Variants in GANAB observed in about 807,000 individuals in gnomAD.
GANAB encodes glucosidase II alpha subunit.
Under a neutral mutation model 129.9 loss-of-function variants are expected in GANAB, and 35 were observed. The ratio of observed to expected loss-of-function variants is 0.27; its 90% CI spans 0.21 to 0.36. The LOEUF is 0.36. Among genes scored for constraint, GANAB ranks in the 10% least tolerant of loss-of-function variants. The pLI, the probability that GANAB is intolerant of heterozygous loss-of-function variation, is 1.00. For synonymous variants in GANAB, 482 were observed against 451.8 expected (o/e 1.07, Z -0.85); for missense variants, 939 against 1,221.0 (o/e 0.77, Z 3.44).
intron 15 of GANAB, 89 bp downstream of exon 15, chr11:62,629,497 TCC>T (rs1749408734): frequency 2.2e-6 from 2 of 905,216 alleles, no homozygotes; most frequent in Admixed American, 2.2e-5. Context: ...AGTGTGTGGC[TCC>T]CATTCCTCAG....
rs746415845 is a variant in GANAB at position 62,633,462 on chromosome 11, G to T, written c.613C>A (p.Pro205Thr). 1 of 1,614,020 alleles carries T rather than the reference G, an allele frequency of 6.2e-7. No homozygotes were observed. The highest frequency in any genetic ancestry group is 1.1e-5 in the South Asian group (1 of 91,060). The change falls in exon 6 of 24, where the codon CCC (proline) becomes ACC (threonine). Residue 205 changes from proline to threonine, a missense_variant. Coordinates refer to ENST00000356638, the MANE Select transcript of GANAB (RefSeq NM_198334.3). ...CAACTTGCCTTGTCGCCATCCCTGG[G>T]TGTTTCCTCAGGCTGGGCCCCATCG... ...EGDGAQPEET[P>T]RDGDKPEETQ...
Position 62,645,724 on chromosome 11 carries a change from G to A in GANAB, c.38+838C>T, listed in dbSNP as rs541457399. Among the ~76,000 whole-genome samples, 5 of 152,276 alleles carry A rather than the reference G, an allele frequency of 3.3e-5. No individual in the cohort carries two copies. The South Asian group carries it at 1.0e-3, about 32-fold the overall frequency. On this transcript the variant is annotated intron_variant, in intron 1 of 23. Transcript: ENST00000356638. ...GACCACCCCAAGAGAGGTGTTCATA[G>A]GCCAAAGTCAGGAATAAGCTGCAGG...
intron 8 of GANAB, 38 bp downstream of exon 8, chr11:62,632,967 G>A (rs1943758662): frequency 7.8e-7 from 1 of 1,274,852 alleles, no homozygotes; most frequent in Non-Finnish European, 1.1e-6. Flanking sequence ...ACTCCTTCCT[G>A]CCCACCTCCA....
At chr11:62,634,094 C>T (rs544078119) in intron 5 of GANAB, among the ~76,000 whole-genome samples, 14 of 152,316 alleles carry the variant, frequency 9.2e-5, no homozygotes, top group African/African-American at 3.4e-4. Context: ...CAATAAGCTC[C>T]CTACATTCCC....
At chr11:62,643,558 G>C (rs926358054) in intron 1 of GANAB, among the ~76,000 whole-genome samples, 1 of 152,202 alleles carries the variant, frequency 6.6e-6, no homozygotes, top group Non-Finnish European at 1.5e-5. Flanking sequence ...CAGGAAAATT[G>C]CTTGAACCCG....
At chr11:62,635,773 G>A (rs1424971742) in intron 4 of GANAB, among the ~76,000 whole-genome samples, 2 of 151,586 alleles carry the variant, frequency 1.3e-5, no homozygotes, top group Non-Finnish European at 2.9e-5. Flanking sequence ...TTACAGGCAG[G>A]TGCCACCACA....
In GANAB at chr11:62,639,474, A is replaced by G. The variant is rs1015468602; in HGVS notation, c.144-7T>C. The G allele has an allele frequency of 8.1e-6, 13 of 1,609,794 alleles. No individual in the cohort carries two copies. The highest frequency in any genetic ancestry group is 1.1e-5 in the Non-Finnish European group (13 of 1,176,208). ...CCGTATGCTTCTCTGTCGCCTGCCA[A>G]GTGAAGGGTTGGGAAGTAAGGTAAA... On this transcript the variant is annotated splice_polypyrimidine_tract_variant and splice_region_variant and intron_variant, in intron 2 of 23. Transcript: ENST00000356638.
chr11:62,630,410 A>G lies in GANAB; in HGVS notation c.1482T>C (p.Asp494=), dbSNP rs1344030324. The change falls in exon 12 of 24, where the codon GAT becomes GAC. Residue 494 remains aspartate (D), a synonymous_variant. Transcript: ENST00000356638. ...AGCACCAGCCCTCATAGTCAGAGCC[A>G]TCCCGGGTTTTAACATACAGCCCCA... ...RNLGLYVKTR[D]GSDYEGWCWP... 3 of 1,612,270 alleles carry G rather than the reference A, an allele frequency of 1.9e-6. No individual in the cohort carries two copies. The South Asian group carries it at 3.3e-5, about 18-fold the overall frequency.
At chr11:62,641,013 G>A (rs1052385531) in intron 1 of GANAB, among the ~76,000 whole-genome samples, 7 of 151,658 alleles carry the variant, frequency 4.6e-5, no homozygotes, top group African/African-American at 7.3e-5. Context: ...TCTTTCTATC[G>A]GCAAGGCATT....
In GANAB at chr11:62,628,205, C is replaced by CTTTT. The variant is rs58757640; in HGVS notation, c.2180+560_2180+563dup. On this transcript the variant is annotated intron_variant, in intron 17 of 23. Transcript: ENST00000356638. The stretch of plus-strand genomic sequence containing the variant: ...ATCTCACACAGCCTTCTTCTCAAAA[C>CTTTT]TTTTTTTTTTTTTTTTTTTTCATTT... 9.5e-4 allele frequency among the ~76,000 whole-genome samples: 93 copies of CTTTT among 98,400 alleles called. 1 individual carries two copies. Among genetic ancestry groups the CTTTT allele is most frequent in the Middle Eastern group, 8.3e-3 (1 of 120 alleles). The allele number at this position is 98,400 out of a possible 152,430, so 64.6% of individuals were successfully genotyped here.
intron 1 of GANAB, among the ~76,000 whole-genome samples, chr11:62,640,942 G>C (rs1944225444): frequency 6.6e-6 from 1 of 151,008 alleles, no homozygotes; most frequent in African/African-American, 2.4e-5. Context: ...AGCAGTAACA[G>C]CCAGTCTCAG....
intron 3 of GANAB, 49 bp from the exon 4 acceptor site, chr11:62,639,159 T>C (rs773715642): frequency 4.1e-5 from 65 of 1,604,110 alleles, no homozygotes; most frequent in Non-Finnish European, 5.5e-5. Flanking sequence ...GGATACACCA[T>C]GGAATGCTCT....
At chr11:62,627,173 C>G (rs1187720732) in intron 18 of GANAB, 49 bp from the exon 19 acceptor site, 1 of 1,524,312 alleles carries the variant, frequency 6.6e-7, no homozygotes, top group Non-Finnish European at 9.1e-7. Flanking sequence ...GTTCCCAGAA[C>G]AGGGAACACC....
intron 4 of GANAB, among the ~76,000 whole-genome samples, chr11:62,637,259 G>T (rs960695661): frequency 6.6e-6 from 1 of 152,102 alleles, no homozygotes; most frequent in African/African-American, 2.4e-5. Flanking sequence ...AATTCACTAG[G>T]TATCACAAAT....
chr11:62,642,013 A>C (rs1367559257), intron 1 of GANAB, among the ~76,000 whole-genome samples: 1 of 151,366 alleles, frequency 6.6e-6, no homozygotes, highest in African/African-American at 2.4e-5. Flanking sequence ...TGGCAAAGAG[A>C]CCAGCCTGGC....
In GANAB at chr11:62,632,361, G is replaced by A. The variant is rs191340698; in HGVS notation, c.996+204C>T. 5.3e-5 allele frequency among the ~76,000 whole-genome samples: 8 copies of A among 152,256 alleles called. No individual in the cohort carries two copies. The East Asian group carries it at 1.2e-3, about 22-fold the overall frequency. ...AACACACTGATAATAAGTGCATTCC[G>A]TCAGCCCAGAATAGGCAATGCCTTC... On this transcript the variant is annotated intron_variant, in intron 9 of 23. Transcript: ENST00000356638.
intron 13 of GANAB, 81 bp from the exon 14 acceptor site, chr11:62,630,038 G>A (rs556510212): frequency 6.7e-7 from 1 of 1,496,404 alleles, no homozygotes; most frequent in African/African-American, 1.4e-5. Flanking sequence ...AGAGCTCCTA[G>A]GAATCTAAAA....
intron 1 of GANAB, among the ~76,000 whole-genome samples, chr11:62,643,653 GAT>G (rs1328779035): frequency 2.0e-5 from 3 of 151,832 alleles, no homozygotes; most frequent in Non-Finnish European, 4.4e-5. Context: ...GAAAAAAATA[GAT>G]ATATACAAAA....
intron 1 of GANAB, among the ~76,000 whole-genome samples, chr11:62,646,259 G>C (rs779469510): frequency 3.9e-5 from 6 of 152,204 alleles, no homozygotes; most frequent in Non-Finnish European, 8.8e-5. Context: ...GGGCGGCGAC[G>C]TTGACCGCCG....
Sources: allele counts gnomAD v4.1 joint callset (sites outside exome capture counted in the v4.1 genomes callset), GRCh38; gene constraint gnomAD v4.1.1; transcripts MANE v1.5; gene names NCBI Gene and HGNC (gene_info 2026-07-23, HGNC 2026-07-21).